The following ST8SIA4 variants were observed in gnomAD, a reference collection of about 807,000 sequenced individuals.
ST8SIA4 encodes the protein ST8 alpha-N-acetyl-neuraminide alpha-2,8-sialyltransferase 4.
A neutral mutation model predicts 33.9 loss-of-function variants in ST8SIA4; 15 were observed. The observed-to-expected ratio is 0.44, with a 90% CI of 0.30 to 0.68. The LOEUF (loss-of-function observed/expected upper bound fraction) is 0.68. ST8SIA4 is among the 30% of genes least tolerant of loss of function. The pLI, the probability that ST8SIA4 is intolerant of heterozygous loss-of-function variation, is 0.10. For synonymous variants in ST8SIA4, 171 were observed against 151.2 expected, an observed-to-expected ratio of 1.13 and a Z score of -0.96; for missense variants, 321 against 428.0, an observed-to-expected ratio of 0.75 and a Z score of 2.21.
intron 4 of ST8SIA4, among the ~76,000 whole-genome samples, chr5:100,840,043 C>T (rs546016772): frequency 4.6e-5 from 7 of 151,552 alleles, no homozygotes; most frequent in Admixed American, 1.3e-4. Context: ...TCAATTCATA[C>T]GGAGTCTTTT....
chr5:100,873,741 TG>T (rs367708691), intron 3 of ST8SIA4, among the ~76,000 whole-genome samples: 161 of 152,130 alleles, frequency 1.1e-3, no homozygotes, highest in African/African-American at 3.7e-3. Context: ...CCAACAAAGG[TG>T]GGGAAGAGGA....
chr5:100,823,598 T>C (rs890738102), intron 4 of ST8SIA4, among the ~76,000 whole-genome samples: 3 of 152,192 alleles, frequency 2.0e-5, no homozygotes, highest in Non-Finnish European at 4.4e-5. Context: ...TTGTTTATAA[T>C]TTAACGAACT....
At chr5:100,881,165 C>T (rs1011305434) in intron 3 of ST8SIA4, among the ~76,000 whole-genome samples, 3 of 152,132 alleles carry the variant, frequency 2.0e-5, no homozygotes, top group African/African-American at 4.8e-5. Context: ...GAAAAATCCA[C>T]GGTGATGTTC....
chr5:100,861,187 T>TAC (rs144525130), intron 3 of ST8SIA4, among the ~76,000 whole-genome samples: 3,588 of 150,156 alleles, frequency 0.024, 61 homozygotes, highest in Admixed American at 0.036. Flanking sequence ...AATACACACA[T>TAC]ACACACACAC....
At chr5:100,820,603 G>A (rs1246460961) in intron 4 of ST8SIA4, among the ~76,000 whole-genome samples, 2 of 152,020 alleles carry the variant, frequency 1.3e-5, no homozygotes, top group Admixed American at 1.3e-4. Context: ...AGAGAATGAA[G>A]TCACAGGAAA....
intron 4 of ST8SIA4, among the ~76,000 whole-genome samples, chr5:100,815,223 A>T (rs1268601459): frequency 6.6e-6 from 1 of 151,930 alleles, no homozygotes; most frequent in African/African-American, 2.4e-5. Flanking sequence ...TGAAGGAAAA[A>T]AAATCTAAGA....
intron 1 of ST8SIA4, among the ~76,000 whole-genome samples, chr5:100,901,085 C>A (rs1197325290): frequency 6.6e-6 from 1 of 152,246 alleles, no homozygotes; most frequent in Non-Finnish European, 1.5e-5. Context: ...CAGCCGGCAA[C>A]GTCCAGGAAA....
At chr5:100,884,032 A>G (rs574339886) in intron 3 of ST8SIA4, among the ~76,000 whole-genome samples, 2 of 152,336 alleles carry the variant, frequency 1.3e-5, no homozygotes, top group African/African-American at 4.8e-5. Flanking sequence ...ATAGTTAGCA[A>G]TAAGGTAGAT....
intron 2 of ST8SIA4, chr5:100,890,903 CA>C (rs1180723427): frequency 6.6e-6 from 1 of 151,874 alleles, no homozygotes; most frequent in African/African-American, 2.4e-5. Flanking sequence ...GTTGAACTGA[CA>C]ACAAGTAGAG....
intron 4 of ST8SIA4, among the ~76,000 whole-genome samples, chr5:100,825,578 C>G (rs1580450842): frequency 6.6e-6 from 1 of 152,164 alleles, no homozygotes; most frequent in Non-Finnish European, 1.5e-5. Flanking sequence ...GCGAAGGATA[C>G]TCAGTTTGAT....
intron 3 of ST8SIA4, chr5:100,886,081 C>A: frequency 8.4e-7 from 1 of 1,183,724 alleles, no homozygotes; most frequent in South Asian, 2.8e-5. Context: ...ATAAAATTGC[C>A]ATTTGCCTCC....
intron 4 of ST8SIA4, among the ~76,000 whole-genome samples, chr5:100,829,203 C>T (rs1751202666): frequency 6.6e-6 from 1 of 152,178 alleles, no homozygotes; most frequent in Non-Finnish European, 1.5e-5. Flanking sequence ...ACCCAGTGAG[C>T]CCCTACAAAG....
intron 1 of ST8SIA4, among the ~76,000 whole-genome samples, chr5:100,900,693 T>A (rs1248437781): frequency 6.9e-6 from 1 of 144,282 alleles, no homozygotes. Context: ...CTTGCCCCAC[T>A]GTAATTGCGG....
At chr5:100,844,397 T>A (rs1751526207) in intron 4 of ST8SIA4, among the ~76,000 whole-genome samples, 2 of 151,870 alleles carry the variant, frequency 1.3e-5, no homozygotes, top group Non-Finnish European at 2.9e-5. Flanking sequence ...TACTAACACA[T>A]AAACAAGAAA....
chr5:100,843,807 A>C lies in ST8SIA4; in HGVS notation c.797+12296T>G, dbSNP rs570910615. Among the ~76,000 whole-genome samples, 23 of 151,978 alleles carry C rather than the reference A, an allele frequency of 1.5e-4. No homozygotes were observed. The South Asian group carries it at 4.6e-3, about 30-fold the overall frequency. On this transcript the variant is annotated intron_variant, in intron 4 of 4. Coordinates refer to ENST00000231461, the MANE Select transcript of ST8SIA4 (RefSeq NM_005668.6). ...TTCTTGCTCTGCAAATTCCCAAAAC[A>C]TGTTCATAGGGCCCTTATAAATCCC...
chr5:100,874,096 CTT>C (rs1361101740), intron 3 of ST8SIA4, among the ~76,000 whole-genome samples: 2 of 152,106 alleles, frequency 1.3e-5, no homozygotes, highest in Non-Finnish European at 2.9e-5. Flanking sequence ...TTGAAAGACA[CTT>C]TATACAGATT....
chr5:100,860,330 T>C (rs1751909296), intron 3 of ST8SIA4, among the ~76,000 whole-genome samples: 1 of 152,204 alleles, frequency 6.6e-6, no homozygotes, highest in Non-Finnish European at 1.5e-5. Flanking sequence ...CGGAAACACC[T>C]TTGTCAATCC....
intron 3 of ST8SIA4, among the ~76,000 whole-genome samples, chr5:100,873,755 C>G (rs561685860): frequency 6.6e-6 from 1 of 152,064 alleles, no homozygotes; most frequent in Non-Finnish European, 1.5e-5. Context: ...GAAGAGGAGA[C>G]TAGGAGCGAT....
chr5:100,868,915 T>G (rs1299845621), intron 3 of ST8SIA4, among the ~76,000 whole-genome samples: 1 of 152,146 alleles, frequency 6.6e-6, no homozygotes, highest in Non-Finnish European at 1.5e-5. Context: ...CTCTGGCATA[T>G]TTTGTTACTT....
Sources: allele counts gnomAD v4.1 joint callset (sites outside exome capture counted in the v4.1 genomes callset), GRCh38; gene constraint gnomAD v4.1.1; transcripts MANE v1.5; gene names NCBI Gene and HGNC (gene_info 2026-07-23, HGNC 2026-07-21).